The following ZNF563 variants were observed in gnomAD, a reference collection of about 807,000 sequenced individuals.
ZNF563 encodes zinc finger protein 563.
In ZNF563, 39 loss-of-function variants were observed where a neutral mutation model predicts 48.5. The observed-to-expected ratio is 0.80, with a 90% CI of 0.62 to 1.05. The LOEUF (loss-of-function observed/expected upper bound fraction) is 1.05. Among genes scored for constraint, ZNF563 ranks in the 50% least tolerant of loss-of-function variants. The probability of loss-of-function intolerance (pLI) is 0.00; values close to 1 mark genes in which losing one functional copy is unlikely to be tolerated. For synonymous variants in ZNF563, 168 were observed against 187.9 expected (o/e 0.89, Z 0.87); for missense variants, 538 against 597.0 (o/e 0.90, Z 1.03).
chr19:12,337,721 C>A (rs946153346), upstream of ZNF563, among the ~76,000 whole-genome samples: 1 of 152,068 alleles, frequency 6.6e-6, no homozygotes, highest in Admixed American at 6.6e-5. Flanking sequence ...AAAAATTCTA[C>A]AAATAAAAAC....
chr19:12,327,717 A>G (rs1968828398), intron 1 of ZNF563, among the ~76,000 whole-genome samples: 1 of 152,178 alleles, frequency 6.6e-6, no homozygotes, highest in South Asian at 2.1e-4. Context: ...AGAGAAATAT[A>G]TGCCATTCTA....
At chr19:12,342,645 C>T in the ZNF563 span, among the ~76,000 whole-genome samples, 1 of 151,568 alleles carries the variant, frequency 6.6e-6, no homozygotes, top group South Asian at 2.1e-4. Flanking sequence ...CATGCACATG[C>T]ACCTATAGCC....
chr19:12,340,299 A>C, the ZNF563 span, among the ~76,000 whole-genome samples: 3 of 152,206 alleles, frequency 2.0e-5, no homozygotes, highest in Non-Finnish European at 2.9e-5. Context: ...ATGCCACTGC[A>C]TTCCAGCCTG....
chr19:12,322,754 G>C (rs756282067), intron 1 of ZNF563, 43 bp from the exon 2 acceptor site: 12 of 1,532,118 alleles, frequency 7.8e-6, no homozygotes, highest in Non-Finnish European at 1.1e-5. Context: ...TTGAGTGACA[G>C]TACTGAAAAA....
At chr19:12,333,747 G>A, upstream of ZNF563, 1 of 522,154 alleles carries the variant, frequency 1.9e-6, no homozygotes, top group East Asian at 3.1e-5. Context: ...CCATAGCTCT[G>A]ATTGGATAGG....
intron 1 of ZNF563, among the ~76,000 whole-genome samples, chr19:12,326,999 C>G (rs1968810930): frequency 6.6e-6 from 1 of 152,030 alleles, no homozygotes; most frequent in African/African-American, 2.4e-5. Flanking sequence ...TTTATTATAC[C>G]AGCACTACCC....
In ZNF563 at chr19:12,318,929, C is replaced by A; in HGVS notation, c.1096G>T (p.Glu366Ter). The A allele has an allele frequency of 6.2e-7, 1 of 1,614,224 alleles. No individual in the cohort carries two copies. The highest frequency in any genetic ancestry group is 8.5e-7 in the Non-Finnish European group (1 of 1,180,048). ...AACGTTTTCCCACACTGCTTGCATT[C>A]ATAGGGTTTCTCTCCAGTGTGAATT... ...ERIHTGEKPY[E>*]CKQCGKTLSH... Residue 366 changes from glutamate to a stop codon, truncating the protein, a stop_gained, in exon 4 of 4, where the codon GAA becomes TAA. Coordinates refer to ENST00000293725, the MANE Select transcript of ZNF563 (RefSeq NM_145276.3). LOFTEE classifies it high-confidence loss of function.
the ZNF563 span, among the ~76,000 whole-genome samples, chr19:12,343,780 G>C: frequency 1.4e-5 from 2 of 147,008 alleles, no homozygotes; most frequent in Admixed American, 6.8e-5. Context: ...GCCCAGGCTG[G>C]AGTACAGTGG....
chr19:12,319,375 C>A lies in ZNF563; in HGVS notation c.650G>T (p.Arg217Ile), dbSNP rs1179114213. Reference sequence around the variant, plus strand: ...ATACGGTTTCTCTCCAGTGTGAGTTCTTTCATGCATACGTAATAAACTGGG... The same window carrying A: ...ATACGGTTTCTCTCCAGTGTGAGTTATTTCATGCATACGTAATAAACTGGG... ...FWPSLLRMHE[R>I]THTGEKPYEC... Residue 217 changes from arginine (R) to isoleucine (I), a missense_variant, in exon 4 of 4, where the codon AGA (arginine) becomes ATA (isoleucine). Physicochemically the swap from Arg to Ile is moderately conservative, Grantham distance 97 (BLOSUM62 -3). Coordinates refer to ENST00000293725, the MANE Select transcript of ZNF563 (RefSeq NM_145276.3). The A allele has an allele frequency of 2.5e-6, 4 of 1,614,034 alleles. No homozygotes were observed. The highest frequency in any genetic ancestry group is 3.4e-6 in the Non-Finnish European group (4 of 1,180,038).
chr19:12,333,707 CGCCT>C, upstream of ZNF563: 1 of 586,244 alleles, frequency 1.7e-6, no homozygotes, highest in Non-Finnish European at 2.9e-6. Context: ...GCCAGCCGTG[CGCCT>C]GATTGACAGT....
chr19:12,328,823 G>A (rs1299234617), intron 1 of ZNF563, among the ~76,000 whole-genome samples: 1 of 151,520 alleles, frequency 6.6e-6, no homozygotes, highest in Non-Finnish European at 1.5e-5. Context: ...TATAAAATAT[G>A]TAATCAGATT....
chr19:12,330,837 C>T (rs1968901801), intron 1 of ZNF563, among the ~76,000 whole-genome samples: 1 of 152,094 alleles, frequency 6.6e-6, no homozygotes, highest in African/African-American at 2.4e-5. Context: ...CTTTCTCATA[C>T]CAGAAAAAGT....
the ZNF563 span, among the ~76,000 whole-genome samples, chr19:12,340,051 G>A: frequency 6.6e-6 from 1 of 152,168 alleles, no homozygotes; most frequent in Admixed American, 6.5e-5. Context: ...AAAAATAAAT[G>A]TGGCCAGGTG....
At chr19:12,346,757 T>C in the ZNF563 span, 14 of 152,288 alleles carry the variant, frequency 9.2e-5, no homozygotes, top group Non-Finnish European at 4.4e-5. Flanking sequence ...TGGAAATTTA[T>C]TCAGACACAA....
the ZNF563 span, among the ~76,000 whole-genome samples, chr19:12,338,788 G>T: frequency 1.3e-5 from 2 of 152,130 alleles, no homozygotes; most frequent in African/African-American, 2.4e-5. Flanking sequence ...GGAGGCAGAG[G>T]TCGCGGTGAG....
intron 1 of ZNF563, among the ~76,000 whole-genome samples, chr19:12,323,913 T>C (rs1968701592): frequency 6.6e-6 from 1 of 152,128 alleles, no homozygotes. Context: ...ACCATCCCAA[T>C]GGAAAATTTT....
intron 2 of ZNF563, 135 bp downstream of exon 2, chr19:12,322,450 G>T: frequency 1.1e-6 from 1 of 936,342 alleles, no homozygotes; most frequent in Non-Finnish European, 1.5e-6. Context: ...TTCTTTCAGG[G>T]CTGTCACCTC....
the ZNF563 span, among the ~76,000 whole-genome samples, chr19:12,343,154 G>A: frequency 8.6e-5 from 13 of 151,816 alleles, no homozygotes; most frequent in African/African-American, 2.9e-4. Context: ...CTGAGATCAC[G>A]TCACTGCCCT....
upstream of ZNF563, chr19:12,333,817 T>TCGAG: frequency 2.7e-6 from 1 of 372,854 alleles, no homozygotes. Flanking sequence ...CAGTGCTGAG[T>TCGAG]CGAGCGGGAT....
Sources: gnomAD v4.1 joint callset for allele counts (sites outside exome capture counted in the v4.1 genomes callset) on GRCh38, gnomAD v4.1.1 for gene constraint, MANE v1.5 for transcripts, NCBI Gene and HGNC (gene_info 2026-07-23, HGNC 2026-07-21) for gene names.